Variants in PRKDC observed in about 807,000 individuals in gnomAD.
PRKDC encodes protein kinase, DNA-activated, catalytic subunit, also known as DNA-dependent protein kinase catalytic subunit.
PRKDC carries 82 observed loss-of-function variants against 486.9 expected under a neutral mutation model. The ratio of observed to expected loss-of-function variants is 0.17; its 90% CI spans 0.14 to 0.20. The LOEUF (loss-of-function observed/expected upper bound fraction) is 0.20, where lower values mean the gene tolerates loss of function less well. Ranked by LOEUF, PRKDC falls within the 10% of genes least tolerant of loss-of-function variation. PRKDC has a pLI of 1.00. For missense variants in PRKDC, 4,504 were observed against 5,038.2 expected (o/e 0.89, Z 3.21); for synonymous variants, 1,895 against 1,837.0 (o/e 1.03, Z -0.81).
chr8:47,805,468 C>G (rs889416353), intron 69 of PRKDC, among the ~76,000 whole-genome samples: 1 of 152,102 alleles, frequency 6.6e-6, no homozygotes, highest in Admixed American at 6.5e-5. Flanking sequence ...ATGCCCATTT[C>G]TTAATTGGGT....
At chr8:47,852,587 C>A in intron 52 of PRKDC, 86 bp downstream of exon 52, 1 of 790,252 alleles carries the variant, frequency 1.3e-6, no homozygotes, top group East Asian at 2.9e-5. Flanking sequence ...TAATACCATA[C>A]AAGAAATAAA....
Position 47,858,995 on chromosome 8 carries a change from G to A in PRKDC, c.6208-9C>T. 1 of 1,611,954 alleles carries A rather than the reference G, an allele frequency of 6.2e-7. No individual in the cohort carries two copies. The highest frequency in any genetic ancestry group is 1.6e-4 in the Middle Eastern group (1 of 6,062). Reference sequence around the variant, plus strand: ...GTGGGGTCCCGCTGCTCCTGCGAAAGGGAGGGCCCAGGAGAGCAGAGGGTA... The same window carrying A: ...GTGGGGTCCCGCTGCTCCTGCGAAAAGGAGGGCCCAGGAGAGCAGAGGGTA... On this transcript the variant is annotated splice_polypyrimidine_tract_variant and intron_variant, in intron 46 of 85. Coordinates refer to ENST00000314191, the MANE Select transcript of PRKDC (RefSeq NM_006904.7).
chr8:47,913,943 T>C lies in PRKDC; in HGVS notation c.2739A>G (p.Arg913=), dbSNP rs778604390. ...TGGCTGTGAGCGCTAATTCTGTGAC[T>C]CGAGGCAGGAACACATCCAGGAAAA... The part of the protein sequence containing the change: ...PVIFLDVFLP[R]VTELALTASD... Residue 913 remains arginine, a synonymous_variant, in exon 24 of 86, where the codon CGA becomes CGG. Coordinates refer to ENST00000314191, the MANE Select transcript of PRKDC (RefSeq NM_006904.7). The C allele has an allele frequency of 6.2e-7, 1 of 1,611,874 alleles. No individual in the cohort carries two copies. The highest frequency in any genetic ancestry group is 1.7e-5 in the Admixed American group (1 of 59,682).
Position 47,828,338 on chromosome 8 carries a change from T to C in PRKDC, c.8407A>G (p.Ile2803Val), listed in dbSNP as rs187739471. ...PLQAVAQRDP[I>V]IAKQLFSSLF... ...CTGCTAAAGAGCTGTTTTGCAATTA[T>C]TGGGTCCCTCTGTAAAAAATTCAAA... Residue 2803 changes from isoleucine (I) to valine (V), a missense_variant, in exon 62 of 86, where the codon ATA becomes GTA. By Grantham distance (29) the Ile-to-Val change is conservative. Coordinates refer to ENST00000314191, the MANE Select transcript of PRKDC (RefSeq NM_006904.7). The C allele has an allele frequency of 4.7e-5, 74 of 1,559,876 alleles. 1 individual carries two copies. The African/African-American group carries it at 7.2e-4, about 15-fold the overall frequency.
At chr8:47,900,232 A>AG (rs1335376365) in intron 28 of PRKDC, 141 bp downstream of exon 28, 1 of 484,244 alleles carries the variant, frequency 2.1e-6, no homozygotes, top group Non-Finnish European at 3.4e-6. Context: ...GAGGCACTGA[A>AG]GGGGATTCTC....
In PRKDC at chr8:47,930,719, A is replaced by C. The variant is rs1362317475; in HGVS notation, c.1845T>G (p.Ala615=). 2 of 1,590,684 alleles carry C rather than the reference A, an allele frequency of 1.3e-6. No homozygotes were observed. Among genetic ancestry groups the C allele is most frequent in the Non-Finnish European group, 1.7e-6 (2 of 1,167,980 alleles). Residue 615 remains alanine, a synonymous_variant, in exon 17 of 86, where the codon GCT becomes GCG. Coordinates refer to ENST00000314191, the MANE Select transcript of PRKDC (RefSeq NM_006904.7). ...TSDPAANLHP[A]KPKDFSAFIN... ...TGAAAGCCGAAAAATCTTTAGGTTT[A>C]GCTGGATGCAAGTTAGCCGCTGGAT...
intron 44 of PRKDC, among the ~76,000 whole-genome samples, chr8:47,861,362 C>A (rs2088673970): frequency 6.6e-6 from 1 of 152,212 alleles, no homozygotes; most frequent in Non-Finnish European, 1.5e-5. Flanking sequence ...CAGCATGTGT[C>A]TACACGCTTA....
intron 25 of PRKDC, among the ~76,000 whole-genome samples, chr8:47,906,582 G>A (rs2089786174): frequency 6.7e-6 from 1 of 150,354 alleles, no homozygotes; most frequent in Non-Finnish European, 1.5e-5. Context: ...GCAGTGAGCC[G>A]AGATCGTCCC....
chr8:47,807,784 C>T (rs191051153), intron 68 of PRKDC, among the ~76,000 whole-genome samples: 2 of 151,330 alleles, frequency 1.3e-5, no homozygotes, highest in African/African-American at 4.9e-5. Flanking sequence ...GGCACGATCT[C>T]GACTTACTGC....
chr8:47,943,488 C>G, intron 9 of PRKDC, 122 bp from the exon 10 acceptor site: 1 of 1,010,068 alleles, frequency 9.9e-7, no homozygotes. Context: ...TACCATTACA[C>G]TACAGTAACC....
In PRKDC at chr8:47,774,147, T is replaced by A; in HGVS notation, c.*26A>T. ...GTAGATTCTTTAAACAATGTAATGC[T>A]TTCTATCTGCAGACTCCCACAGACC... On this transcript the variant is annotated 3_prime_UTR_variant, in exon 86 of 86. Transcript: ENST00000314191. 1 of 1,549,898 alleles carries A rather than the reference T, an allele frequency of 6.5e-7. No homozygotes were observed. Among genetic ancestry groups the A allele is most frequent in the South Asian group, 1.2e-5 (1 of 83,678 alleles).
intron 59 of PRKDC, 80 bp downstream of exon 59, chr8:47,834,116 G>A: frequency 6.5e-7 from 1 of 1,530,552 alleles, no homozygotes; most frequent in Non-Finnish European, 9.0e-7. Context: ...CATGGATACA[G>A]TCAGAAATGT....
chr8:47,931,567 G>T (rs574224647), intron 16 of PRKDC, among the ~76,000 whole-genome samples: 18 of 151,944 alleles, frequency 1.2e-4, no homozygotes, highest in Non-Finnish European at 2.6e-4. Context: ...ACACATCAGT[G>T]TTGCTACCTA....
chr8:47,946,012 A>G (rs1253978307), intron 7 of PRKDC, among the ~76,000 whole-genome samples: 4 of 149,758 alleles, frequency 2.7e-5, no homozygotes, highest in African/African-American at 9.8e-5. Context: ...GTGAGCCACC[A>G]CGCCCGGCCT....
chr8:47,792,254 A>ATTTTTTT (rs757370500), intron 74 of PRKDC, among the ~76,000 whole-genome samples: 2 of 139,464 alleles, frequency 1.4e-5, no homozygotes. Flanking sequence ...CCACAGTAAA[A>ATTTTTTT]TTTTTTTTTT....
Position 47,831,749 on chromosome 8 carries a change from C to G in PRKDC, c.8265+65G>C, listed in dbSNP as rs983687063. 2.0e-6 allele frequency: 3 copies of G among 1,538,014 alleles called. No homozygotes were observed. The African/African-American group carries it at 4.1e-5, about 21-fold the overall frequency. ...GGCAGTGTCTGGCAGGAAGCCTGTTCACTTCGTCTGTATCCTGTGACAGAA... is the reference window on the plus strand; with the variant it reads ...GGCAGTGTCTGGCAGGAAGCCTGTTGACTTCGTCTGTATCCTGTGACAGAA... On this transcript the variant is annotated intron_variant, in intron 60 of 85. Transcript: ENST00000314191.
chr8:47,866,733 A>G (rs2088827133), intron 40 of PRKDC, among the ~76,000 whole-genome samples: 1 of 152,186 alleles, frequency 6.6e-6, no homozygotes, highest in Non-Finnish European at 1.5e-5. Flanking sequence ...ATTACAAATA[A>G]GGGAGGAATG....
intron 64 of PRKDC, among the ~76,000 whole-genome samples, chr8:47,822,834 C>G (rs1002465240): frequency 3.9e-5 from 6 of 152,096 alleles, no homozygotes; most frequent in African/African-American, 1.4e-4. Flanking sequence ...AAGAGTCTCA[C>G]AGGTCACAGA....
chr8:47,896,046 A>T (rs2154502069), intron 30 of PRKDC, among the ~76,000 whole-genome samples: 1 of 152,330 alleles, frequency 6.6e-6, no homozygotes, highest in Admixed American at 6.5e-5. Context: ...CTCGGGGGAA[A>T]AAAAATTTTT....
Sources: allele counts gnomAD v4.1 joint callset (sites outside exome capture counted in the v4.1 genomes callset), GRCh38; gene constraint gnomAD v4.1.1; transcripts MANE v1.5; gene names NCBI Gene and HGNC (gene_info 2026-07-23, HGNC 2026-07-21).